The following RNF149 variants were observed in gnomAD, a reference collection of about 807,000 sequenced individuals.
The protein encoded by RNF149 is E3 ubiquitin-protein ligase RNF149.
RNF149 carries 21 observed loss-of-function variants against 39.0 expected under a neutral mutation model. The ratio of observed to expected loss-of-function variants is 0.54; its 90% CI spans 0.38 to 0.77. The LOEUF (loss-of-function observed/expected upper bound fraction) is 0.77, where lower values mean the gene tolerates loss of function less well. Among genes scored for constraint, RNF149 ranks in the 30% least tolerant of loss-of-function variants. RNF149 has a pLI of 0.00. For missense variants in RNF149, 493 were observed against 534.9 expected, an observed-to-expected ratio of 0.92 and a Z score of 0.77; for synonymous variants, 209 against 213.6, an observed-to-expected ratio of 0.98 and a Z score of 0.19.
At chr2:101,272,083 CCT>C (rs1260118486), downstream of RNF149, among the ~76,000 whole-genome samples, 3 of 152,066 alleles carry the variant, frequency 2.0e-5, no homozygotes, top group African/African-American at 7.2e-5. Flanking sequence ...ATTTCAGCAC[CCT>C]CTGTCTACTA....
intron 1 of RNF149, among the ~76,000 whole-genome samples, chr2:101,299,225 T>C (rs1683359617): frequency 1.3e-5 from 2 of 152,138 alleles, no homozygotes; most frequent in Non-Finnish European, 2.9e-5. Context: ...AAAACCACAC[T>C]CTAACACTAT....
rs570254443 is a variant in RNF149, at chr2:101,275,780, T to C, written c.*1458A>G. ...TAAAGACAAAGAGCAAACAATCTAC[T>C]TGCTACAGAATCAGGATGTATTTTC... On this transcript the variant is annotated 3_prime_UTR_variant, in exon 7 of 7. Transcript: ENST00000295317. 2 of 981,764 alleles carry C rather than the reference T, an allele frequency of 2.0e-6. No homozygotes were observed. The highest frequency in any genetic ancestry group is 1.2e-4 in the Admixed American group (2 of 16,288). The allele number at this position is 981,764 out of a possible 1,614,324, so 60.8% of individuals were successfully genotyped here.
intron 6 of RNF149, among the ~76,000 whole-genome samples, chr2:101,278,201 A>ATG (rs1682423558): frequency 6.6e-6 from 1 of 152,058 alleles, no homozygotes; most frequent in Admixed American, 6.6e-5. Flanking sequence ...GCTGCAGTGC[A>ATG]GTGACATGAT....
chr2:101,295,384 C>A (rs1484971990), intron 1 of RNF149, among the ~76,000 whole-genome samples: 2 of 152,102 alleles, frequency 1.3e-5, no homozygotes, highest in African/African-American at 2.4e-5. Flanking sequence ...AACTATTCCC[C>A]TGGCCGGGCA....
chr2:101,273,263 G>C, downstream of RNF149: 1 of 560,748 alleles, frequency 1.8e-6, no homozygotes, highest in Non-Finnish European at 3.2e-6. Flanking sequence ...GCACAGTCAC[G>C]GACACTGCCT....
intron 1 of RNF149, 145 bp downstream of exon 1, chr2:101,307,984 G>T: frequency 7.0e-7 from 1 of 1,433,176 alleles, no homozygotes; most frequent in South Asian, 1.5e-5. Flanking sequence ...GAGCAAACGA[G>T]GGCTTCCCTG....
At chr2:101,273,625 A>T (rs1682223506), downstream of RNF149, among the ~76,000 whole-genome samples, 1 of 151,842 alleles carries the variant, frequency 6.6e-6, no homozygotes, top group Non-Finnish European at 1.5e-5. Flanking sequence ...GGCAGATGCC[A>T]CCACACCTGG....
intron 3 of RNF149, among the ~76,000 whole-genome samples, chr2:101,291,882 T>C (rs1474979485): frequency 6.6e-6 from 1 of 152,236 alleles, no homozygotes; most frequent in Non-Finnish European, 1.5e-5. Flanking sequence ...AAAATCCATG[T>C]ACAGCTGCTC....
At chr2:101,292,523 T>C (rs372817598) in intron 3 of RNF149, among the ~76,000 whole-genome samples, 4 of 152,132 alleles carry the variant, frequency 2.6e-5, no homozygotes, top group East Asian at 1.9e-4. Flanking sequence ...TCCCAGAACT[T>C]TGGGAGGCCG....
At position 101,275,867 on chromosome 2, in the gene RNF149, T is replaced by C; in HGVS notation, c.*1371A>G. On this transcript the variant is annotated 3_prime_UTR_variant, in exon 7 of 7. Coordinates refer to ENST00000295317, the MANE Select transcript of RNF149 (RefSeq NM_173647.4). Reference sequence around the variant, plus strand: ...GTAATGGCTGTTATGGAAACCTACTTGAGGTTGTCTGCTAAAACCAACTCA... The same window carrying C: ...GTAATGGCTGTTATGGAAACCTACTCGAGGTTGTCTGCTAAAACCAACTCA... 1 of 985,080 alleles carries C rather than the reference T, an allele frequency of 1.0e-6. No individual in the cohort carries two copies. The highest frequency in any genetic ancestry group is 1.2e-6 in the Non-Finnish European group (1 of 829,618). The allele number at this position is 985,080 out of a possible 1,614,324, so 61.0% of individuals were successfully genotyped here.
At chr2:101,283,249 G>A (rs113723285) in intron 5 of RNF149, among the ~76,000 whole-genome samples, 37 of 152,166 alleles carry the variant, frequency 2.4e-4, no homozygotes, top group Non-Finnish European at 4.4e-4. Context: ...TGTCATGTCT[G>A]TATGCGTGCC....
intron 1 of RNF149, among the ~76,000 whole-genome samples, chr2:101,299,415 G>T (rs796331836): frequency 1.1e-4 from 17 of 152,226 alleles, no homozygotes; most frequent in African/African-American, 3.6e-4. Flanking sequence ...TATTTCCGAG[G>T]CACCCACACA....
intron 1 of RNF149, among the ~76,000 whole-genome samples, chr2:101,306,031 G>A (rs144768556): frequency 1.3e-5 from 2 of 152,246 alleles, no homozygotes; most frequent in East Asian, 3.9e-4. Context: ...ACCGATAATG[G>A]GAAGAGAAGC....
At chr2:101,272,887 G>C, downstream of RNF149, 1 of 1,205,784 alleles carries the variant, frequency 8.3e-7, no homozygotes, top group South Asian at 1.2e-5. Flanking sequence ...AGTTCTCTTT[G>C]GGATGCCTTT....
chr2:101,277,538 G>A (rs946440572), intron 6 of RNF149, among the ~76,000 whole-genome samples: 2 of 152,136 alleles, frequency 1.3e-5, no homozygotes, highest in African/African-American at 2.4e-5. Flanking sequence ...ACAGGCACCC[G>A]CCACCACATT....
intron 5 of RNF149, among the ~76,000 whole-genome samples, chr2:101,283,977 A>T (rs1253315824): frequency 2.6e-5 from 4 of 152,182 alleles, no homozygotes; most frequent in Non-Finnish European, 5.9e-5. Flanking sequence ...CCTTGCCAAG[A>T]AAGAAATCCA....
At chr2:101,281,708 C>G in intron 6 of RNF149, 151 bp downstream of exon 6, 1 of 863,318 alleles carries the variant, frequency 1.2e-6, no homozygotes, top group South Asian at 1.6e-5. Flanking sequence ...ACTATGCTGC[C>G]CAGGCTGTTC....
chr2:101,295,175 C>CTTTGTT lies in RNF149; in HGVS notation c.466_467insAACAAA (p.Gly156delinsGluGlnArg). 1 of 1,612,804 alleles carries CTTTGTT rather than the reference C, an allele frequency of 6.2e-7. No individual in the cohort carries two copies. Among genetic ancestry groups the CTTTGTT allele is most frequent in the Non-Finnish European group, 8.5e-7 (1 of 1,178,902 alleles). ...GCTAATCATAATGACCACTATATTTCCTGTTCCTGTAGGAAAGAACAAAGA... is the reference window on the plus strand; with the variant it reads ...GCTAATCATAATGACCACTATATTTCTTTGTTCTGTTCCTGTAGGAAAGAACAAAGA... On this transcript the variant is annotated protein_altering_variant, in exon 2 of 7. Coordinates refer to ENST00000295317, the MANE Select transcript of RNF149 (RefSeq NM_173647.4).
At chr2:101,290,085 C>A (rs765395352) in intron 3 of RNF149, among the ~76,000 whole-genome samples, 4 of 152,206 alleles carry the variant, frequency 2.6e-5, no homozygotes, top group African/African-American at 7.2e-5. Flanking sequence ...GAGGCTGAGG[C>A]AGGAGAATCG....
Sources: allele counts gnomAD v4.1 joint callset (sites outside exome capture counted in the v4.1 genomes callset), GRCh38; gene constraint gnomAD v4.1.1; transcripts MANE v1.5; gene names NCBI Gene and HGNC (gene_info 2026-07-23, HGNC 2026-07-21).